The following TCHH variants were observed in gnomAD, a reference collection of about 807,000 sequenced individuals.
The protein encoded by TCHH is trichohyalin.
TCHH carries 6 observed loss-of-function variants against 6.3 expected under a neutral mutation model. The ratio of observed to expected loss-of-function variants is 0.95; its 90% CI spans 0.52 to 1.88. The LOEUF is 1.88. Ranked by LOEUF, TCHH falls within the 40% of genes most tolerant of loss-of-function variation. The pLI, the probability that TCHH is intolerant of heterozygous loss-of-function variation, is 0.01. For synonymous variants in TCHH, 1,087 were observed against 963.6 expected (o/e 1.13, Z -2.37); for missense variants, 2,920 against 2,449.1 (o/e 1.19, Z -4.06).
At position 152,108,559 on chromosome 1, in the gene TCHH, CG is replaced by C. The variant is rs1411437840; in HGVS notation, c.4657del (p.Arg1553ValfsTer20). ...QERGQQRRQD[R>X]DRKFREEEQL... is the part of the protein sequence containing the mutation. ...TTCCTCCTCGCGGAATTTTCTGTCA[CG>C]GTCCTGACGCCGCTGTTGCCCGCGC... On this transcript the variant is annotated frameshift_variant, in exon 3 of 3. Coordinates refer to ENST00000614923, the MANE Select transcript of TCHH (RefSeq NM_007113.4). LOFTEE classifies it low-confidence loss of function (END_TRUNC). 1 of 1,603,398 alleles carries C rather than the reference CG, an allele frequency of 6.2e-7. No homozygotes were observed. Among genetic ancestry groups the C allele is most frequent in the East Asian group, 2.3e-5 (1 of 43,630 alleles).
chr1:152,112,484 C>CT lies in TCHH; in HGVS notation c.732dup (p.Glu245ArgfsTer433). 6.2e-7 allele frequency: 1 copy of CT among 1,613,276 alleles called. No homozygotes were observed. Among genetic ancestry groups the CT allele is most frequent in the Non-Finnish European group, 8.5e-7 (1 of 1,179,700 alleles). On this transcript the variant is annotated frameshift_variant, in exon 3 of 3. Coordinates refer to ENST00000614923, the MANE Select transcript of TCHH (RefSeq NM_007113.4). LOFTEE classifies it low-confidence loss of function (END_TRUNC). ...AGCACTGTCTCGCGCTTCCTCCACT[C>CT]TTTCTCTTCTTCCTCCTGGAACACT...
At chr1:152,113,282 A>G (rs145812721) in intron 2 of TCHH, among the ~76,000 whole-genome samples, 1 of 152,350 alleles carries the variant, frequency 6.6e-6, no homozygotes, top group East Asian at 1.9e-4. Flanking sequence ...AAATTTTTAC[A>G]TCTCGTAATT....
chr1:152,113,015 G>T lies in TCHH; in HGVS notation c.202C>A (p.Arg68Ser). ...LELLDLDSNG[R>S]VDFNEFLLFI... is the part of the protein sequence containing the mutation. Reference sequence around the variant, plus strand: ...AGGAGGAATTCGTTGAAATCGACACGCCCATTACTGTCAAGATCCAGAAGT... The same window carrying T: ...AGGAGGAATTCGTTGAAATCGACACTCCCATTACTGTCAAGATCCAGAAGT... The change falls in exon 3 of 3, where the codon CGT (arginine) becomes AGT (serine). Residue 68 changes from arginine (R) to serine (S), a missense_variant. Coordinates refer to ENST00000614923, the MANE Select transcript of TCHH (RefSeq NM_007113.4). 6.2e-7 allele frequency: 1 copy of T among 1,613,976 alleles called. No individual in the cohort carries two copies.
intron 1 of TCHH, among the ~76,000 whole-genome samples, chr1:152,115,027 C>T (rs563038110): frequency 1.9e-4 from 29 of 152,258 alleles, no homozygotes; most frequent in African/African-American, 6.0e-4. Flanking sequence ...AACTCCAGTA[C>T]CTTAAATGCT....
chr1:152,107,811 C>T lies in TCHH; in HGVS notation c.5406G>A (p.Gln1802=). The T allele has an allele frequency of 1.2e-6, 2 of 1,614,112 alleles. No homozygotes were observed. Among genetic ancestry groups the T allele is most frequent in the Non-Finnish European group, 1.7e-6 (2 of 1,179,984 alleles). ...ESDRKFREEE[Q]LRQEREEQQL... is the part of the protein sequence containing the mutation. ...GCTGTTCTTCCCTCTCCTGGCGTAGCTGTTCCTCCTCGCGGAATTTTCTGT... is the reference window on the plus strand; with the variant it reads ...GCTGTTCTTCCCTCTCCTGGCGTAGTTGTTCCTCCTCGCGGAATTTTCTGT... Residue 1802 remains glutamine, a synonymous_variant, in exon 3 of 3, where the codon CAG becomes CAA. Transcript: ENST00000614923.
rs779963720 is a variant in TCHH at position 152,108,452 on chromosome 1, G to A, written c.4765C>T (p.Arg1589Cys). 6.8e-6 allele frequency: 11 copies of A among 1,613,176 alleles called. No homozygotes were observed. The highest frequency in any genetic ancestry group is 9.3e-6 in the Non-Finnish European group (11 of 1,179,834). The part of the protein sequence containing the change: ...RKFRLEEQKV[R>C]RQEQERKFME... ...AATTTTCTCTCTTGTTCCTGGCGGC[G>A]CACTTTCTGTTCCTCTAAACGGAAT... Residue 1589 changes from arginine (R) to cysteine (C), a missense_variant, in exon 3 of 3, where the codon CGC (arginine) becomes TGC (cysteine). Arg to Cys is a radical substitution (Grantham distance 180, BLOSUM62 -3). Coordinates refer to ENST00000614923, the MANE Select transcript of TCHH (RefSeq NM_007113.4).
At position 152,107,931 on chromosome 1, in the gene TCHH, C is replaced by T; in HGVS notation, c.5286G>A (p.Gln1762=). The T allele has an allele frequency of 6.2e-7, 1 of 1,613,652 alleles. No homozygotes were observed. Among genetic ancestry groups the T allele is most frequent in the Non-Finnish European group, 8.5e-7 (1 of 1,179,910 alleles). ...TGTCGCGCTCCTGGCGGCGCAGCTG[C>T]TGTTCTTCCCTTTCCGGACGGAGCT... The part of the protein sequence containing the change: ...EEQLRPEREE[Q]QLRRQERDRK... The change falls in exon 3 of 3, where the codon CAG becomes CAA. Residue 1762 remains glutamine (Q), a synonymous_variant. Transcript: ENST00000614923.
chr1:152,112,613 C>G lies in TCHH; in HGVS notation c.604G>C (p.Glu202Gln), dbSNP rs781489454. The G allele has an allele frequency of 1.5e-5, 25 of 1,613,564 alleles. No individual in the cohort carries two copies. Among genetic ancestry groups the G allele is most frequent in the Non-Finnish European group, 2.0e-5 (24 of 1,180,020 alleles). ...AGTTGCTCTTCGTCTGGAAACTCCT[C>G]AGTTTCGTGACCTTTGCAACTCTGC... is the stretch of plus-strand genomic sequence containing the variant. ...QLQSCKGHET[E>Q]EFPDEEQLRR... The change falls in exon 3 of 3, where the codon GAG becomes CAG. Residue 202 changes from glutamate to glutamine, a missense_variant. Transcript: ENST00000614923.
In TCHH at chr1:152,112,630, C is replaced by A; in HGVS notation, c.587G>T (p.Cys196Phe). The change falls in exon 3 of 3, where the codon TGC becomes TTC. Residue 196 changes from cysteine to phenylalanine, a missense_variant. Physicochemically the swap from Cys to Phe is radical, Grantham distance 205. Coordinates refer to ENST00000614923, the MANE Select transcript of TCHH (RefSeq NM_007113.4). ...AAACTCCTCAGTTTCGTGACCTTTG[C>A]AACTCTGCAGCTGCTCTTCCTCTGC... ...RRAEEEQLQS[C>F]KGHETEEFPD... The A allele has an allele frequency of 1.2e-6, 2 of 1,613,738 alleles. No homozygotes were observed. Among genetic ancestry groups the A allele is most frequent in the Non-Finnish European group, 1.7e-6 (2 of 1,180,032 alleles).
In TCHH at chr1:152,113,308, C is replaced by CT. The variant is rs1458795064; in HGVS notation, c.139-231dup. On this transcript the variant is annotated intron_variant, in intron 2 of 2. Transcript: ENST00000614923. ...TCTCGTAATTTAGTGCTGATCAAAC[C>CT]TAAGGAAGCAGGAAGAGAGACACAA... Among the ~76,000 whole-genome samples the CT allele has an allele frequency of 2.0e-5, 3 of 152,154 alleles. No individual in the cohort carries two copies. The East Asian group carries it at 5.8e-4, about 29-fold the overall frequency.
rs760701120 is a variant in TCHH at position 152,110,048 on chromosome 1, G to A, written c.3169C>T (p.Gln1057Ter). 16 of 1,608,616 alleles carry A rather than the reference G, an allele frequency of 9.9e-6. No homozygotes were observed. The highest frequency in any genetic ancestry group is 5.1e-5 in the Admixed American group (3 of 58,954). ...CCCAGCAGCTGCTCTTCCTCCTGCTGCAGCTCCTCTTCCTCCCGATATTGC... is the reference window on the plus strand; with the variant it reads ...CCCAGCAGCTGCTCTTCCTCCTGCTACAGCTCCTCTTCCTCCCGATATTGC... ...ERQYREEEELQQEEEQLLGEE... is the reference protein window; with the variant it reads ...ERQYREEEEL The change falls in exon 3 of 3, where the codon CAG becomes TAG. Residue 1057 changes from glutamine (Q) to a stop codon, truncating the protein, a stop_gained. Coordinates refer to ENST00000614923, the MANE Select transcript of TCHH (RefSeq NM_007113.4). LOFTEE classifies it low-confidence loss of function (END_TRUNC).
chr1:152,113,553 G>A (rs1658441120), intron 2 of TCHH, among the ~76,000 whole-genome samples: 2 of 152,226 alleles, frequency 1.3e-5, no homozygotes, highest in South Asian at 4.1e-4. Flanking sequence ...GAAGCAGCCA[G>A]TATTCTTGAT....
chr1:152,113,148 G>A, intron 2 of TCHH, 70 bp from the exon 3 acceptor site: 1 of 1,380,236 alleles, frequency 7.2e-7, no homozygotes, highest in Non-Finnish European at 9.8e-7. Flanking sequence ...ATTCACACAT[G>A]ATATATTTTA....
chr1:152,108,218 TGTCGCG>T lies in TCHH; in HGVS notation c.4993_4998del (p.Asp1666_Arg1667del). 2.5e-6 allele frequency: 4 copies of T among 1,608,754 alleles called. No individual in the cohort carries two copies. The highest frequency in any genetic ancestry group is 3.4e-6 in the Non-Finnish European group (4 of 1,178,602). On this transcript the variant is annotated inframe_deletion, in exon 3 of 3. Coordinates refer to ENST00000614923, the MANE Select transcript of TCHH (RefSeq NM_007113.4). ...AGCTGTTCCTCTTCACGGAATTTTCTGTCGCGGTCGTGACGCAGCTGTTGTTCGCGC... is the reference window on the plus strand; with the variant it reads ...AGCTGTTCCTCTTCACGGAATTTTCTGTCGTGACGCAGCTGTTGTTCGCGC...
chr1:152,111,621 C>T lies in TCHH; in HGVS notation c.1596G>A (p.Leu532=). Residue 532 remains leucine (L), a synonymous_variant, in exon 3 of 3, where the codon TTG becomes TTA. Coordinates refer to ENST00000614923, the MANE Select transcript of TCHH (RefSeq NM_007113.4). The part of the protein sequence containing the change: ...QEEEERLQQR[L]RSEQQLRREQ... ...CGCGTCTTAGTTGTTGCTCGCTCCT[C>T]AACCGCTGCTGGAGCCTCTCTTCCT... is the stretch of plus-strand genomic sequence containing the variant. 6.2e-7 allele frequency: 1 copy of T among 1,609,700 alleles called. No individual in the cohort carries two copies. Among genetic ancestry groups the T allele is most frequent in the Non-Finnish European group, 8.5e-7 (1 of 1,178,562 alleles).
chr1:152,110,381 C>T lies in TCHH; in HGVS notation c.2836G>A (p.Glu946Lys), dbSNP rs780814362. 6.2e-6 allele frequency: 10 copies of T among 1,613,426 alleles called. No homozygotes were observed. The highest frequency in any genetic ancestry group is 6.8e-6 in the Non-Finnish European group (8 of 1,179,782). The change falls in exon 3 of 3, where the codon GAG becomes AAG. Residue 946 changes from glutamate to lysine, a missense_variant. Transcript: ENST00000614923. Reference sequence around the variant, plus strand: ...TGGCGTCTTCTTTTCTCCCGTTCCTCTCTCAGCAGCTGCTCTTCCTCCTGC... The same window carrying T: ...TGGCGTCTTCTTTTCTCCCGTTCCTTTCTCAGCAGCTGCTCTTCCTCCTGC... ...LQQEEEQLLR[E>K]EREKRRRQER...
chr1:152,109,054 C>G lies in TCHH; in HGVS notation c.4163G>C (p.Arg1388Pro), dbSNP rs1197997251. 2.5e-6 allele frequency: 4 copies of G among 1,613,448 alleles called. No homozygotes were observed. Among genetic ancestry groups the G allele is most frequent in the Non-Finnish European group, 3.4e-6 (4 of 1,179,894 alleles). The change falls in exon 3 of 3, where the codon CGG becomes CCG. Residue 1388 changes from arginine (R) to proline (P), a missense_variant. Physicochemically the swap from Arg to Pro is moderately radical, Grantham distance 103. Coordinates refer to ENST00000614923, the MANE Select transcript of TCHH (RefSeq NM_007113.4). ...TTCCTCCTTAAGGAATTTTCTCTCCCGTTCCTGGCGGCGCAGCCGCTGTTC... is the reference window on the plus strand; with the variant it reads ...TTCCTCCTTAAGGAATTTTCTCTCCGGTTCCTGGCGGCGCAGCCGCTGTTC... ...EEEQRLRRQE[R>P]ERKFLKEEQQ...
In TCHH at chr1:152,111,757, C is replaced by A. The variant is rs2101531742; in HGVS notation, c.1460G>T (p.Arg487Leu). Reference protein sequence around the residue: ...KRDQEEERRERWLKLEEEERR... With the variant: ...KRDQEEERRELWLKLEEEERR... ...CTCCTCCTCCTCGAGCTTCAGCCAA[C>A]GTTCGCGCCTCTCCTCCTCCTGGTC... The change falls in exon 3 of 3, where the codon CGT becomes CTT. Residue 487 changes from arginine (R) to leucine (L), a missense_variant. Arg to Leu is a moderately radical substitution (Grantham distance 102). Transcript: ENST00000614923. 7.4e-7 allele frequency: 1 copy of A among 1,354,220 alleles called. No individual in the cohort carries two copies. Among genetic ancestry groups the A allele is most frequent in the Non-Finnish European group, 9.7e-7 (1 of 1,029,336 alleles). The allele number at this position is 1,354,220 out of a possible 1,614,324, so 83.9% of individuals were successfully genotyped here.
At chr1:152,115,280 AATACTG>A (rs1658481385) in intron 1 of TCHH, 105 bp downstream of exon 1, 1 of 152,142 alleles carries the variant, frequency 6.6e-6, no homozygotes, top group African/African-American at 2.4e-5. Flanking sequence ...ATCCCTGCAA[AATACTG>A]ATACCTTCTG....
Sources: allele counts gnomAD v4.1 joint callset (sites outside exome capture counted in the v4.1 genomes callset), GRCh38; gene constraint gnomAD v4.1.1; transcripts MANE v1.5; gene names NCBI Gene and HGNC (gene_info 2026-07-23, HGNC 2026-07-21).